The following DCPH1 variants were observed in gnomAD, a reference collection of about 807,000 sequenced individuals.
DCPH1 encodes the protein damage-control phosphatase 1.
the DCPH1 span, among the ~76,000 whole-genome samples, chr6:151,466,443 C>T: frequency 6.6e-6 from 1 of 152,292 alleles, no homozygotes; most frequent in Admixed American, 6.5e-5. Context: ...TCTGATTTAG[C>T]TAACAACTTC....
the DCPH1 span, chr6:151,468,885 T>C: frequency 2.5e-6 from 4 of 1,613,900 alleles, no homozygotes; most frequent in Non-Finnish European, 8.5e-7. Flanking sequence ...TCAAGGGTGA[T>C]TTGAATTACA....
the DCPH1 span, chr6:151,458,294 A>G: frequency 6.2e-7 from 1 of 1,600,332 alleles, no homozygotes; most frequent in African/African-American, 1.3e-5. Flanking sequence ...AGACACACAC[A>G]CACACACAAT....
the DCPH1 span, among the ~76,000 whole-genome samples, chr6:151,456,913 G>T: frequency 2.6e-5 from 4 of 152,182 alleles, no homozygotes; most frequent in Non-Finnish European, 4.4e-5. Context: ...CTGTATGCCC[G>T]TAATCACCAG....
chr6:151,468,376 C>G, the DCPH1 span: 1 of 1,576,332 alleles, frequency 6.3e-7, no homozygotes, highest in Non-Finnish European at 8.6e-7. Context: ...TGATCTGTCT[C>G]TCTCAGGTGG....
the DCPH1 span, among the ~76,000 whole-genome samples, chr6:151,462,410 C>T: frequency 2.0e-5 from 3 of 152,118 alleles, no homozygotes; most frequent in Non-Finnish European, 4.4e-5. Flanking sequence ...TGTTTTTTAA[C>T]TTTACTGAAA....
At chr6:151,464,866 A>G in the DCPH1 span, among the ~76,000 whole-genome samples, 1 of 152,192 alleles carries the variant, frequency 6.6e-6, no homozygotes, top group Admixed American at 6.5e-5. Context: ...TTGAGAGAAT[A>G]CTTCATAGTA....
the DCPH1 span, chr6:151,468,735 T>C: frequency 2.5e-6 from 4 of 1,614,218 alleles, no homozygotes; most frequent in South Asian, 4.4e-5. Flanking sequence ...AGTGTGGGGC[T>C]GACTGGGAAG....
At chr6:151,454,431 T>A in the DCPH1 span, 1 of 638,760 alleles carries the variant, frequency 1.6e-6, no homozygotes, top group Non-Finnish European at 2.8e-6. Flanking sequence ...TACTTGTCTA[T>A]CTTTTAATAG....
chr6:151,466,126 C>G, the DCPH1 span, among the ~76,000 whole-genome samples: 1 of 152,154 alleles, frequency 6.6e-6, no homozygotes, highest in Non-Finnish European at 1.5e-5. Context: ...GCCATGTTGG[C>G]CAGGCTGGTC....
chr6:151,453,261 C>G, the DCPH1 span, among the ~76,000 whole-genome samples: 1 of 152,280 alleles, frequency 6.6e-6, no homozygotes, highest in Middle Eastern at 3.4e-3. Flanking sequence ...ATTTTGCGCC[C>G]TAGGGCTTCT....
At chr6:151,468,886 T>A in the DCPH1 span, 1 of 1,613,942 alleles carries the variant, frequency 6.2e-7, no homozygotes, top group South Asian at 1.1e-5. Context: ...CAAGGGTGAT[T>A]TGAATTACAG....
the DCPH1 span, chr6:151,454,674 T>G: frequency 8.4e-7 from 1 of 1,185,332 alleles, no homozygotes; most frequent in Non-Finnish European, 1.2e-6. Flanking sequence ...TTTTAACTTT[T>G]AATTTTTTGT....
At chr6:151,456,051 G>A in the DCPH1 span, among the ~76,000 whole-genome samples, 1 of 152,188 alleles carries the variant, frequency 6.6e-6, no homozygotes, top group Non-Finnish European at 1.5e-5. Flanking sequence ...GCACGGGGTT[G>A]GGGGTAAGGT....
the DCPH1 span, among the ~76,000 whole-genome samples, chr6:151,463,610 C>A: frequency 2.0e-5 from 3 of 152,148 alleles, no homozygotes; most frequent in East Asian, 5.8e-4. Flanking sequence ...AGGCAGCCAT[C>A]ATTTGGATGT....
the DCPH1 span, among the ~76,000 whole-genome samples, chr6:151,457,747 GCTTA>G: frequency 0.11 from 16,652 of 151,806 alleles, 1,054 homozygotes; most frequent in East Asian, 0.2. Flanking sequence ...GTCTTATTAG[GCTTA>G]CATTTTCTTT....
the DCPH1 span, among the ~76,000 whole-genome samples, chr6:151,453,747 A>G: frequency 3.3e-5 from 5 of 152,222 alleles, no homozygotes; most frequent in African/African-American, 1.2e-4. Flanking sequence ...CACCAAATAA[A>G]GCTTTTTTTC....
At chr6:151,458,414 G>C in the DCPH1 span, 3 of 1,613,340 alleles carry the variant, frequency 1.9e-6, no homozygotes, top group Non-Finnish European at 2.5e-6. Context: ...TTATCCCCTT[G>C]GTTGAGAAAT....
At chr6:151,462,043 G>A in the DCPH1 span, among the ~76,000 whole-genome samples, 1 of 152,134 alleles carries the variant, frequency 6.6e-6, no homozygotes, top group African/African-American at 2.4e-5. Flanking sequence ...TAAAAGACAT[G>A]TTTATATTGA....
chr6:151,457,983 CCA>C, the DCPH1 span, among the ~76,000 whole-genome samples: 8 of 151,942 alleles, frequency 5.3e-5, no homozygotes, highest in Non-Finnish European at 1.0e-4. Flanking sequence ...CTCAGAAAGC[CCA>C]CAGTTTCTTT....
Sources: allele counts gnomAD v4.1 joint callset (sites outside exome capture counted in the v4.1 genomes callset), GRCh38; gene constraint gnomAD v4.1.1; transcripts MANE v1.5; gene names NCBI Gene and HGNC (gene_info 2026-07-23, HGNC 2026-07-21).